The following NAV1 variants were observed in gnomAD, a reference collection of about 807,000 sequenced individuals.
The protein encoded by NAV1 is neuron navigator 1.
Under a neutral mutation model 175.2 loss-of-function variants are expected in NAV1, and 18 were observed. The observed-to-expected ratio is 0.10, with a 90% CI of 0.07 to 0.15. The LOEUF (loss-of-function observed/expected upper bound fraction) is 0.15. NAV1 is among the 10% of genes least tolerant of loss of function. The probability of loss-of-function intolerance (pLI) is 1.00; values close to 1 mark genes in which losing one functional copy is unlikely to be tolerated. For missense variants in NAV1, 1,731 were observed against 2,436.6 expected (o/e 0.71, Z 6.10); for synonymous variants, 897 against 978.7 (o/e 0.92, Z 1.56).
chr1:201,723,560 A>G (rs1223161958), intron 3 of NAV1: 1 of 152,204 alleles, frequency 6.6e-6, no homozygotes, highest in East Asian at 1.9e-4. Context: ...AGAGTTTTAT[A>G]GCTGATGGGG....
At chr1:201,803,762 C>G in intron 16 of NAV1, 48 bp downstream of exon 20, 1 of 1,592,842 alleles carries the variant, frequency 6.3e-7, no homozygotes, top group Non-Finnish European at 8.6e-7. Context: ...CGTGGTGGAC[C>G]GCCTTCACCT....
intron 1 of NAV1, among the ~76,000 whole-genome samples, chr1:201,545,258 A>T (rs1665633178): frequency 6.6e-6 from 1 of 152,202 alleles, no homozygotes; most frequent in Admixed American, 6.5e-5. Flanking sequence ...ACAGTCAAAG[A>T]GTGATTGCAT....
intron 3 of NAV1, among the ~76,000 whole-genome samples, chr1:201,745,399 C>G (rs1056547444): frequency 2.6e-5 from 4 of 152,160 alleles, no homozygotes; most frequent in Non-Finnish European, 5.9e-5. Context: ...AGTTTTCCTA[C>G]TTAGTGTATT....
intron 1 of NAV1, among the ~76,000 whole-genome samples, chr1:201,550,377 G>A (rs1197297604): frequency 6.6e-6 from 1 of 152,026 alleles, no homozygotes; most frequent in Admixed American, 6.5e-5. Context: ...TCGCTATGTT[G>A]CCCAGGTTGG....
At chr1:201,746,511 T>A (rs988818366) in intron 3 of NAV1, among the ~76,000 whole-genome samples, 2 of 152,218 alleles carry the variant, frequency 1.3e-5, no homozygotes, top group African/African-American at 4.8e-5. Flanking sequence ...AGACAACCTA[T>A]TCCCATTCCA....
chr1:201,656,372 G>A lies in NAV1; in HGVS notation c.757+6947G>A, dbSNP rs115262216. ...CCAGTATGCTGTGTGTGTTCCCAGC[G>A]TTGGTTCTTATGGAATCTCAGAGTT... is the stretch of plus-strand genomic sequence containing the variant. On this transcript the variant is annotated intron_variant, in intron 1 of 29. Transcript: ENST00000367296. Among the ~76,000 whole-genome samples the A allele has an allele frequency of 7.1e-3, 1,074 of 152,302 alleles. 13 individuals carry two copies. Among genetic ancestry groups the A allele is most frequent in the African/African-American group, 0.023 (972 of 41,568 alleles).
intron 7 of NAV1, among the ~76,000 whole-genome samples, chr1:201,784,748 T>C (rs1676598487): frequency 6.6e-6 from 1 of 151,652 alleles, no homozygotes; most frequent in Non-Finnish European, 1.5e-5. Context: ...AATTTCTTTT[T>C]TGTTTGTTTG....
chr1:201,622,977 T>A, exon 1 of NAV1: 1 of 986,156 alleles, frequency 1.0e-6, no homozygotes, highest in Non-Finnish European at 1.2e-6. Flanking sequence ...CCAGGATTCC[T>A]ACACCGGGCG....
intron 3 of NAV1, among the ~76,000 whole-genome samples, chr1:201,764,402 C>T (rs1478874111): frequency 2.6e-5 from 4 of 152,232 alleles, no homozygotes; most frequent in Non-Finnish European, 5.9e-5. Context: ...CAGCCACCTT[C>T]TCACTGTGTC....
At chr1:201,564,214 T>C (rs1440099046) in intron 1 of NAV1, among the ~76,000 whole-genome samples, 1 of 151,594 alleles carries the variant, frequency 6.6e-6, no homozygotes, top group Non-Finnish European at 1.5e-5. Flanking sequence ...GTCTGGCTCA[T>C]TGTAGATGGT....
chr1:201,606,998 T>C (rs1439783265), intron 2 of NAV1, among the ~76,000 whole-genome samples: 1 of 152,152 alleles, frequency 6.6e-6, no homozygotes, highest in Middle Eastern at 3.2e-3. Context: ...CCTGTGGAAA[T>C]AATCAGAGTC....
At chr1:201,653,829 G>A (rs1327996581) in intron 1 of NAV1, among the ~76,000 whole-genome samples, 1 of 152,192 alleles carries the variant, frequency 6.6e-6, no homozygotes, top group Non-Finnish European at 1.5e-5. Context: ...GCAAGGTGCA[G>A]CAGCCTGCAG....
intron 2 of NAV1, among the ~76,000 whole-genome samples, chr1:201,594,538 A>G (rs484034): frequency 0.38 from 57,535 of 152,138 alleles, 12,435 homozygotes; most frequent in African/African-American, 0.58. Flanking sequence ...CAGGCCCCAT[A>G]AACTCTCTAT....
intron 15 of NAV1, chr1:201,796,825 A>T (rs920167822): frequency 2.0e-5 from 3 of 152,224 alleles, no homozygotes; most frequent in African/African-American, 7.2e-5. Context: ...CCCACTTTTA[A>T]AATCAGGTTA....
chr1:201,582,739 G>A (rs58245482), intron 1 of NAV1, among the ~76,000 whole-genome samples: 1,538 of 152,330 alleles, frequency 0.01, 29 homozygotes, highest in African/African-American at 0.035. Context: ...GCCTGTCCTC[G>A]GGAATGGGAG....
In NAV1 at chr1:201,710,525, C is replaced by T. The variant is rs546752114; in HGVS notation, c.758-2292C>T. Among the ~76,000 whole-genome samples the T allele has an allele frequency of 2.3e-4, 35 of 152,278 alleles. 1 individual carries two copies. Among genetic ancestry groups the T allele is most frequent in the Middle Eastern group, 3.4e-3 (1 of 294 alleles). On this transcript the variant is annotated intron_variant, in intron 1 of 29. Transcript: ENST00000367296. ...CTGGTCTCAAACTCCTGGCCTGAAG[C>T]GATCCTCTGGCCTCGGTCTCCCACA...
intron 1 of NAV1, among the ~76,000 whole-genome samples, chr1:201,655,625 A>G (rs1031833945): frequency 5.3e-5 from 8 of 152,190 alleles, no homozygotes; most frequent in African/African-American, 1.4e-4. Context: ...CCCTTGTTCA[A>G]TGAAGGCAGG....
intron 3 of NAV1, among the ~76,000 whole-genome samples, chr1:201,757,122 C>G (rs1333475229): frequency 1.3e-5 from 2 of 152,134 alleles, no homozygotes; most frequent in East Asian, 3.8e-4. Flanking sequence ...CATTAACTCT[C>G]TGTTCAACAA....
At chr1:201,739,674 C>G in intron 3 of NAV1, 5 of 644,500 alleles carry the variant, frequency 7.8e-6, no homozygotes, top group Non-Finnish European at 1.0e-5. Flanking sequence ...CCCCCAGCCC[C>G]GTCGGCACCT....
Sources: gnomAD v4.1 joint callset for allele counts (sites outside exome capture counted in the v4.1 genomes callset) on GRCh38, gnomAD v4.1.1 for gene constraint, MANE v1.5 for transcripts, NCBI Gene and HGNC (gene_info 2026-07-23, HGNC 2026-07-21) for gene names.